Variants in PCP4 observed in about 807,000 individuals in gnomAD.
The protein encoded by PCP4 is Purkinje cell protein 4.
A neutral mutation model predicts 10.0 loss-of-function variants in PCP4; 8 were observed. That is an observed-to-expected ratio of 0.80 (90% CI 0.47 to 1.45). The LOEUF (loss-of-function observed/expected upper bound fraction) is 1.45, where lower values mean the gene tolerates loss of function less well. Among genes scored for constraint, PCP4 ranks in the 40% most tolerant of loss-of-function variants. PCP4 has a pLI of 0.00. For synonymous variants in PCP4, 21 were observed against 23.0 expected (o/e 0.91, Z 0.24); for missense variants, 54 against 74.4 (o/e 0.73, Z 1.01).
At chr21:39,917,854 G>C (rs370176764) in intron 2 of PCP4, among the ~76,000 whole-genome samples, 4 of 152,260 alleles carry the variant, frequency 2.6e-5, no homozygotes, top group East Asian at 3.9e-4. Flanking sequence ...TTTGGAGATA[G>C]GGTCTTTATA....
At chr21:39,904,592 A>G (rs923654823) in intron 2 of PCP4, among the ~76,000 whole-genome samples, 3 of 152,192 alleles carry the variant, frequency 2.0e-5, no homozygotes, top group Admixed American at 6.5e-5. Flanking sequence ...CAAGAGGAAG[A>G]AATGCATTCT....
At chr21:39,928,360 G>A (rs920471671) in intron 2 of PCP4, among the ~76,000 whole-genome samples, 1 of 152,218 alleles carries the variant, frequency 6.6e-6, no homozygotes. Context: ...TTTGTGTCCT[G>A]TCACCGTGTG....
At chr21:39,904,158 A>G (rs1294851789) in intron 2 of PCP4, among the ~76,000 whole-genome samples, 2 of 152,190 alleles carry the variant, frequency 1.3e-5, no homozygotes, top group African/African-American at 4.8e-5. Context: ...ACATGCTACC[A>G]TTAAATGGAC....
chr21:39,900,324 T>C lies in PCP4; in HGVS notation c.61+1797T>C, dbSNP rs1056918358. On this transcript the variant is annotated intron_variant, in intron 2 of 2. Transcript: ENST00000328619. ...TGGTGGGATTACAGGTGTGAGCCAC[T>C]GCACCCAGCCAACATTTTTGTTCTC... Among the ~76,000 whole-genome samples, 26 of 152,300 alleles carry C rather than the reference T, an allele frequency of 1.7e-4. 2 individuals are homozygous for C. Among genetic ancestry groups the C allele is most frequent in the Admixed American group, 9.8e-4 (15 of 15,296 alleles).
At chr21:39,900,974 A>G (rs1177480471) in intron 2 of PCP4, among the ~76,000 whole-genome samples, 2 of 152,224 alleles carry the variant, frequency 1.3e-5, no homozygotes, top group Admixed American at 6.5e-5. Context: ...GAATGTAAGT[A>G]ACATTTTAAA....
chr21:39,882,250 C>A (rs966157088), intron 1 of PCP4, among the ~76,000 whole-genome samples: 1 of 152,154 alleles, frequency 6.6e-6, no homozygotes, highest in Admixed American at 6.5e-5. Flanking sequence ...GATGAGGATG[C>A]CGAGTGCAGC....
At chr21:39,926,918 T>C (rs1192707304) in intron 2 of PCP4, among the ~76,000 whole-genome samples, 1 of 152,124 alleles carries the variant, frequency 6.6e-6, no homozygotes, top group Admixed American at 6.5e-5. Context: ...CTGTCCTGGG[T>C]TAAAAAGGAA....
chr21:39,891,512 G>C (rs1293709871), intron 1 of PCP4, among the ~76,000 whole-genome samples: 2 of 152,226 alleles, frequency 1.3e-5, no homozygotes, highest in African/African-American at 4.8e-5. Context: ...GGCTTAGCGG[G>C]TATTCTCCTC....
chr21:39,872,356 G>A (rs944758165), intron 1 of PCP4, among the ~76,000 whole-genome samples: 3 of 152,112 alleles, frequency 2.0e-5, no homozygotes, highest in Admixed American at 6.6e-5. Flanking sequence ...AGATGTGATC[G>A]GGGGAAGGCA....
chr21:39,880,615 G>A (rs994226658), intron 1 of PCP4, among the ~76,000 whole-genome samples: 7 of 152,144 alleles, frequency 4.6e-5, no homozygotes, highest in African/African-American at 1.2e-4. Context: ...GAAAGCATCC[G>A]CTGGCCAGTT....
chr21:39,898,951 G>A (rs1007331970), intron 2 of PCP4, among the ~76,000 whole-genome samples: 8 of 152,160 alleles, frequency 5.3e-5, no homozygotes, highest in African/African-American at 1.2e-4. Flanking sequence ...CACACAATGC[G>A]GTGCTGGTCC....
chr21:39,895,283 C>T (rs1017146824), intron 1 of PCP4, among the ~76,000 whole-genome samples: 8 of 152,256 alleles, frequency 5.3e-5, no homozygotes, highest in African/African-American at 1.9e-4. Flanking sequence ...GAGCCTAGCT[C>T]TGGGTGCTTA....
chr21:39,880,170 CTA>C lies in PCP4; in HGVS notation c.9+12664_9+12665del, dbSNP rs1417762667. ...TCTATATCTATATCTATATCTATATCTATATCTATATCTATATCTATCTATAT... is the reference window on the plus strand; with the variant it reads ...TCTATATCTATATCTATATCTATATCTATCTATATCTATATCTATCTATAT... On this transcript the variant is annotated intron_variant, in intron 1 of 2. Coordinates refer to ENST00000328619, the MANE Select transcript of PCP4 (RefSeq NM_006198.3). Among the ~76,000 whole-genome samples the C allele has an allele frequency of 3.0e-3, 436 of 145,608 alleles. 1 individual carries two copies. Among genetic ancestry groups the C allele is most frequent in the Non-Finnish European group, 5.5e-3 (366 of 66,084 alleles).
intron 1 of PCP4, among the ~76,000 whole-genome samples, chr21:39,868,841 C>T (rs2087306201): frequency 6.6e-6 from 1 of 152,022 alleles, no homozygotes; most frequent in African/African-American, 2.4e-5. Context: ...ATCTTGATGT[C>T]TAAATGTGTA....
At chr21:39,927,307 TATCTATCTATCTATC>T (rs1350785242) in intron 2 of PCP4, among the ~76,000 whole-genome samples, 55 of 119,402 alleles carry the variant, frequency 4.6e-4, no homozygotes, top group Non-Finnish European at 7.6e-4. Flanking sequence ...TCTATCTATC[TATCTATCTATCTATC>T]ATCTATCTAT....
intron 2 of PCP4, among the ~76,000 whole-genome samples, chr21:39,916,388 T>A (rs1227101494): frequency 6.6e-6 from 1 of 152,080 alleles, no homozygotes; most frequent in Non-Finnish European, 1.5e-5. Context: ...CTATAGGAGG[T>A]GGTGGTGCAG....
At chr21:39,909,081 C>T (rs1002956708) in intron 2 of PCP4, among the ~76,000 whole-genome samples, 1 of 152,132 alleles carries the variant, frequency 6.6e-6, no homozygotes. Context: ...CCTTTAATGT[C>T]AAGTACATTC....
chr21:39,867,848 G>A (rs762544242), intron 1 of PCP4, among the ~76,000 whole-genome samples: 17 of 152,240 alleles, frequency 1.1e-4, no homozygotes, highest in Non-Finnish European at 1.9e-4. Context: ...TGATTCCCGC[G>A]GTGATACCTT....
chr21:39,921,421 C>G (rs2087596073), intron 2 of PCP4, among the ~76,000 whole-genome samples: 1 of 152,176 alleles, frequency 6.6e-6, no homozygotes, highest in African/African-American at 2.4e-5. Flanking sequence ...TTCCTCAGCT[C>G]TCATAAATGA....
Sources: allele counts gnomAD v4.1 joint callset (sites outside exome capture counted in the v4.1 genomes callset), GRCh38; gene constraint gnomAD v4.1.1; transcripts MANE v1.5; gene names NCBI Gene and HGNC (gene_info 2026-07-23, HGNC 2026-07-21).